The following GPC3 variants were observed in gnomAD, a reference collection of about 807,000 sequenced individuals.
GPC3 encodes glypican 3.
Under a neutral mutation model 34.4 loss-of-function variants are expected in GPC3, and 3 were observed. The observed-to-expected ratio is 0.09, with a 90% CI of 0.04 to 0.23. GPC3 has a LOEUF of 0.23. GPC3 is among the 10% of genes least tolerant of loss of function. GPC3 has a pLI of 1.00. For missense variants in GPC3, 351 were observed against 445.6 expected (o/e 0.79, Z 1.91); for synonymous variants, 177 against 174.0 (o/e 1.02, Z -0.13).
intron 2 of GPC3, among the ~76,000 whole-genome samples, chrX:133,949,689 A>T (rs1359712645): frequency 8.9e-6 from 1 of 112,409 alleles, no homozygotes; most frequent in Non-Finnish European, 1.9e-5. Context: ...ATATTTCTTG[A>T]TAGTACAAGG....
At chrX:133,879,867 C>T (rs779948458) in intron 2 of GPC3, among the ~76,000 whole-genome samples, 9 of 111,420 alleles carry the variant, frequency 8.1e-5, no homozygotes, top group Non-Finnish European at 1.5e-4. Context: ...TCAGCTATTG[C>T]TACCTTGCTT....
intron 1 of GPC3, among the ~76,000 whole-genome samples, chrX:133,978,589 T>C (rs1389672271): frequency 2.7e-5 from 3 of 111,558 alleles, no homozygotes; most frequent in East Asian, 5.6e-4. Context: ...AGAAAACAAA[T>C]GGATTTTTGA....
Position 133,950,465 on chromosome X carries a change from T to C in GPC3, c.337+2585A>G, listed in dbSNP as rs781739499. 2.7e-5 allele frequency among the ~76,000 whole-genome samples: 3 copies of C among 111,908 alleles called. No individual in the cohort carries two copies. The Admixed American group carries it at 2.8e-4, about 11-fold the overall frequency. ...GACTAGTGAAGGAATACCAAAGAGA[T>C]TGTGGATCTAGGCCAAGATCAAGAT... is the stretch of plus-strand genomic sequence containing the variant. On this transcript the variant is annotated intron_variant, in intron 2 of 7. Transcript: ENST00000370818.
At chrX:133,650,021 C>T (rs1414797135) in intron 6 of GPC3, among the ~76,000 whole-genome samples, 1 of 112,007 alleles carries the variant, frequency 8.9e-6, no homozygotes, top group East Asian at 2.8e-4. Flanking sequence ...CTCAAGAAAG[C>T]TCAGTAGCCA....
chrX:133,927,329 G>GA (rs1178169335), intron 2 of GPC3, among the ~76,000 whole-genome samples: 1 of 109,033 alleles, frequency 9.2e-6, no homozygotes, highest in African/African-American at 3.3e-5. Context: ...ATTTATGTAG[G>GA]AAAAAAAACT....
chrX:133,820,254 T>G (rs1359448831), intron 2 of GPC3, among the ~76,000 whole-genome samples: 1 of 112,328 alleles, frequency 8.9e-6, no homozygotes, highest in African/African-American at 3.2e-5. Flanking sequence ...GTAACAAGAA[T>G]GCAAAGGGCA....
chrX:133,641,655 T>C (rs1184947272), intron 6 of GPC3, among the ~76,000 whole-genome samples: 1 of 111,294 alleles, frequency 9.0e-6, no homozygotes, highest in Non-Finnish European at 1.9e-5. Flanking sequence ...CTAGTTCATG[T>C]GTTAGTTGCA....
rs748177539 is a variant in GPC3, at chrX:133,699,987, T to C, written c.1074A>G (p.Arg358=). ...AGAGATCTTCAGGATAATAAGCAGA[T>C]CTATATTGGCGTTGTTGAGAATGGG... ...LCAHSQQRQY[R]SAYYPEDLFI... The change falls in exon 4 of 8, where the codon AGA becomes AGG. Residue 358 remains arginine, a synonymous_variant. Transcript: ENST00000370818. 4 of 1,192,524 alleles carry C rather than the reference T, an allele frequency of 3.4e-6. No homozygotes were observed. In the Admixed American group the frequency reaches 8.8e-5, roughly 26 times the overall value.
intron 2 of GPC3, among the ~76,000 whole-genome samples, chrX:133,906,496 C>A (rs1160909253): frequency 8.9e-6 from 1 of 112,378 alleles, no homozygotes; most frequent in South Asian, 3.7e-4. Context: ...TGCATTTTCA[C>A]AGTCAACAGA....
At chrX:133,800,581 C>T (rs948914235) in intron 2 of GPC3, among the ~76,000 whole-genome samples, 2 of 111,896 alleles carry the variant, frequency 1.8e-5, no homozygotes, top group Non-Finnish European at 3.8e-5. Context: ...TTTCTGAAAT[C>T]GCTTTTTGTT....
chrX:133,590,321 C>A (rs558727690), intron 7 of GPC3, among the ~76,000 whole-genome samples: 1 of 111,181 alleles, frequency 9.0e-6, no homozygotes, highest in South Asian at 3.9e-4. Flanking sequence ...TATAGCAGTG[C>A]AAATGGACTA....
At chrX:133,857,583 T>A (rs746193555) in intron 2 of GPC3, among the ~76,000 whole-genome samples, 21 of 111,432 alleles carry the variant, frequency 1.9e-4, no homozygotes, top group Non-Finnish European at 3.6e-4. Flanking sequence ...CACATTCCCT[T>A]TCTGGGCCCA....
intron 5 of GPC3, among the ~76,000 whole-genome samples, chrX:133,669,962 G>C (rs2070811189): frequency 9.0e-6 from 1 of 111,221 alleles, no homozygotes; most frequent in Non-Finnish European, 1.9e-5. Flanking sequence ...GATTGGTTAG[G>C]GATTGCGGAG....
chrX:133,627,162 C>T (rs1292957426), intron 6 of GPC3, among the ~76,000 whole-genome samples: 19 of 66,681 alleles, frequency 2.8e-4, no homozygotes, highest in South Asian at 1.1e-3. Flanking sequence ...TGAGGCCTGT[C>T]GCAGGGTGGG....
intron 5 of GPC3, chrX:133,671,353 C>A: frequency 1.7e-6 from 1 of 599,489 alleles, no homozygotes; most frequent in Non-Finnish European, 2.9e-6. Flanking sequence ...CCGCAAAGGC[C>A]AATGTTGGTG....
chrX:133,707,661 A>G (rs1288405395), intron 3 of GPC3, among the ~76,000 whole-genome samples: 1 of 111,552 alleles, frequency 9.0e-6, no homozygotes, highest in African/African-American at 3.3e-5. Flanking sequence ...TGGAAAGCAT[A>G]GGCAGTTATT....
chrX:133,704,245 T>G (rs752858959), intron 3 of GPC3: 7 of 1,105,814 alleles, frequency 6.3e-6, no homozygotes, highest in South Asian at 4.4e-5. Flanking sequence ...GATAGGATAT[T>G]TGAAGTGCCA....
intron 2 of GPC3, among the ~76,000 whole-genome samples, chrX:133,865,102 G>A (rs1211003172): frequency 9.0e-6 from 1 of 111,594 alleles, no homozygotes; most frequent in Non-Finnish European, 1.9e-5. Flanking sequence ...TCAATAAAAT[G>A]CAATTACAGT....
chrX:133,611,583 T>C (rs1267774916), intron 6 of GPC3, among the ~76,000 whole-genome samples: 3 of 112,268 alleles, frequency 2.7e-5, no homozygotes, highest in Admixed American at 1.9e-4. Flanking sequence ...ATCATTGCAT[T>C]TGCATTCAAT....
Sources: allele counts gnomAD v4.1 joint callset (sites outside exome capture counted in the v4.1 genomes callset), GRCh38; gene constraint gnomAD v4.1.1; transcripts MANE v1.5; gene names NCBI Gene and HGNC (gene_info 2026-07-23, HGNC 2026-07-21).